The following PCDHGA5 variants were observed in gnomAD, a reference collection of about 807,000 sequenced individuals.
PCDHGA5 encodes protocadherin gamma subfamily A, 5, also known as protocadherin gamma-A5.
PCDHGA5 carries 36 observed loss-of-function variants against 56.7 expected under a neutral mutation model. The observed-to-expected ratio is 0.64, with a 90% CI of 0.49 to 0.84. PCDHGA5 has a LOEUF of 0.84. Among genes scored for constraint, PCDHGA5 ranks in the 40% least tolerant of loss-of-function variants. PCDHGA5 has a pLI of 0.00. For missense variants in PCDHGA5, 1,305 were observed against 1,201.5 expected, an observed-to-expected ratio of 1.09 and a Z score of -1.27; for synonymous variants, 563 against 520.2, an observed-to-expected ratio of 1.08 and a Z score of -1.12.
Position 141,489,902 on chromosome 5 carries a change from C to T in PCDHGA5, c.2422-4905C>T. The T allele has an allele frequency of 6.2e-7, 1 of 1,614,218 alleles. No individual in the cohort carries two copies. The highest frequency in any genetic ancestry group is 8.5e-7 in the Non-Finnish European group (1 of 1,180,032). On this transcript the variant is annotated intron_variant, in intron 1 of 3. Transcript: ENST00000518069. This position sits in a 1 kb window ranked among gnomAD's most constrained non-coding sequence, Gnocchi z 4.5. Reference sequence around the variant, plus strand: ...ACTGCTGTGGATGGGGGGACCCCAGCCCGCTCAGGGACCACCCTTATCTCT... The same window carrying T: ...ACTGCTGTGGATGGGGGGACCCCAGTCCGCTCAGGGACCACCCTTATCTCT...
At chr5:141,391,305 T>G (rs2092341171) in intron 1 of PCDHGA5, 1 of 151,546 alleles carries the variant, frequency 6.6e-6, no homozygotes, top group Non-Finnish European at 1.5e-5. Context: ...GTCTTTCGAT[T>G]CTTTTTTTTT....
intron 1 of PCDHGA5, chr5:141,475,974 A>G: frequency 1.0e-6 from 1 of 975,714 alleles, no homozygotes; most frequent in Non-Finnish European, 1.5e-6. Flanking sequence ...GCAGAGACTG[A>G]ACAGCCGGCG....
intron 1 of PCDHGA5, among the ~76,000 whole-genome samples, chr5:141,449,616 G>A (rs1279953840): frequency 1.6e-4 from 24 of 146,738 alleles, no homozygotes; most frequent in Non-Finnish European, 2.3e-4. Flanking sequence ...AAGTAAAAAA[G>A]TTTTTTAAAA....
rs61612330 is a variant in PCDHGA5, at chr5:141,454,796, A to ATTTTTTTTTTTT, written c.2422-39993_2422-39982dup. Among the ~76,000 whole-genome samples, 573 of 77,460 alleles carry ATTTTTTTTTTTT rather than the reference A, an allele frequency of 7.4e-3. 68 individuals carry two copies. Among genetic ancestry groups the ATTTTTTTTTTTT allele is most frequent in the Non-Finnish European group, 9.0e-3 (384 of 42,814 alleles). The allele number at this position is 77,460 out of a possible 152,430, so 50.8% of individuals were successfully genotyped here. A position where few individuals can be genotyped will look rare whatever the true frequency, so the allele number is the denominator to read the frequency against. On this transcript the variant is annotated intron_variant, in intron 1 of 3. Coordinates refer to ENST00000518069, the MANE Select transcript of PCDHGA5 (RefSeq NM_018918.3). ...AAGGAAATAATCCTCCATGGTTCTA[A>ATTTTTTTTTTTT]TTTTTTTTTTTTTTTTTTTTTTTTT...
rs762662380 is a variant in PCDHGA5, at chr5:141,419,561, G to A, written c.2421+52810G>A. 9 of 1,611,728 alleles carry A rather than the reference G, an allele frequency of 5.6e-6. No individual in the cohort carries two copies. The Admixed American group carries it at 1.2e-4, about 21-fold the overall frequency. The stretch of plus-strand genomic sequence containing the variant: ...ACCGCGGGTGCTGTACCCTGCGCTG[G>A]GTCCCGACGGCTCCGCGCTCTTCGA... On this transcript the variant is annotated intron_variant, in intron 1 of 3. Coordinates refer to ENST00000518069, the MANE Select transcript of PCDHGA5 (RefSeq NM_018918.3).
At chr5:141,394,278 TACTC>T in intron 1 of PCDHGA5, 1 of 1,613,924 alleles carries the variant, frequency 6.2e-7, no homozygotes, top group East Asian at 2.2e-5. Flanking sequence ...CCAGGTCACT[TACTC>T]TGTGACCGAG....
chr5:141,413,756 A>G, intron 1 of PCDHGA5: 1 of 1,613,042 alleles, frequency 6.2e-7, no homozygotes, highest in South Asian at 1.1e-5. Context: ...AATGGCGTCA[A>G]GTACCCGGAG....
chr5:141,477,438 C>A lies in PCDHGA5; in HGVS notation c.2422-17369C>A, dbSNP rs1386997844. The A allele has an allele frequency of 3.1e-6, 5 of 1,614,174 alleles. No individual in the cohort carries two copies. The Admixed American group carries it at 6.7e-5, about 22-fold the overall frequency. On this transcript the variant is annotated intron_variant, in intron 1 of 3. Coordinates refer to ENST00000518069, the MANE Select transcript of PCDHGA5 (RefSeq NM_018918.3). The surrounding 1 kb of genome is among the most constrained non-coding windows in gnomAD (Gnocchi z 4.9). ...GGAACCCCTTCCCTCTCAGCCCTTA[C>A]AATAGTGCGTGTTCAAGTGTCCGAC...
At chr5:141,450,702 G>A (rs1466981422) in intron 1 of PCDHGA5, among the ~76,000 whole-genome samples, 1 of 152,026 alleles carries the variant, frequency 6.6e-6, no homozygotes, top group Non-Finnish European at 1.5e-5. Flanking sequence ...GCCCAGGATG[G>A]TCTCCAACTC....
Position 141,490,282 on chromosome 5 carries a change from C to T in PCDHGA5, c.2422-4525C>T, listed in dbSNP as rs763429413. 1.2e-6 allele frequency: 2 copies of T among 1,614,194 alleles called. No individual in the cohort carries two copies. The highest frequency in any genetic ancestry group is 1.7e-6 in the Non-Finnish European group (2 of 1,180,036). ...TGTGGGGGATGTCAATGACAATGCC[C>T]CAGAGGTGCTATTGGCCTCTTTGGC... On this transcript the variant is annotated intron_variant, in intron 1 of 3. Transcript: ENST00000518069. This position sits in a 1 kb window ranked among gnomAD's most constrained non-coding sequence, Gnocchi z 5.4.
chr5:141,383,204 G>A lies in PCDHGA5; in HGVS notation c.2421+16453G>A, dbSNP rs372087170. 3 of 1,613,922 alleles carry A rather than the reference G, an allele frequency of 1.9e-6. No individual in the cohort carries two copies. In the African/African-American group the frequency reaches 4.0e-5, roughly 22 times the overall value. On this transcript the variant is annotated intron_variant, in intron 1 of 3. Coordinates refer to ENST00000518069, the MANE Select transcript of PCDHGA5 (RefSeq NM_018918.3). ...GAGATCTGCGCTCAGAGTGCGCGGTGTCTGGTAAACTTTAACATCCTGATG... is the reference window on the plus strand; with the variant it reads ...GAGATCTGCGCTCAGAGTGCGCGGTATCTGGTAAACTTTAACATCCTGATG...
At chr5:141,370,668 C>A in intron 1 of PCDHGA5, 5 of 1,613,762 alleles carry the variant, frequency 3.1e-6, no homozygotes, top group Middle Eastern at 3.3e-4. Flanking sequence ...CCGTATAGAC[C>A]GAGAGGAGAT....
In PCDHGA5 at chr5:141,398,664, A is replaced by G. The variant is rs762356100; in HGVS notation, c.2421+31913A>G. The G allele has an allele frequency of 4.3e-6, 7 of 1,612,604 alleles. No individual in the cohort carries two copies. In the East Asian group the frequency reaches 8.9e-5, roughly 21 times the overall value. ...AACTCTCTCTTAACCCAAGTTTCTC[A>G]TTAATAATTAAGGAGAAACAGGATG... On this transcript the variant is annotated intron_variant, in intron 1 of 3. Transcript: ENST00000518069.
intron 1 of PCDHGA5, chr5:141,400,321 G>T (rs190006023): frequency 1.9e-6 from 3 of 1,614,064 alleles, no homozygotes; most frequent in East Asian, 2.2e-5. Context: ...TGTCAAGTCT[G>T]GACCTGTGGT....
chr5:141,461,830 CT>C (rs1030113508), intron 1 of PCDHGA5, among the ~76,000 whole-genome samples: 30 of 145,198 alleles, frequency 2.1e-4, no homozygotes, highest in Non-Finnish European at 2.4e-4. Flanking sequence ...ATTTTTTTTT[CT>C]TTTTTTTTTG....
At chr5:141,438,633 TATACAC>T (rs1275936248) in intron 1 of PCDHGA5, among the ~76,000 whole-genome samples, 1,035 of 33,718 alleles carry the variant, frequency 0.031, 6 homozygotes, top group African/African-American at 0.063. Context: ...TATATATATA[TATACAC>T]ACACACACAC....
chr5:141,398,145 G>A, intron 1 of PCDHGA5: 2 of 1,520,796 alleles, frequency 1.3e-6, no homozygotes, highest in Admixed American at 4.8e-5. Context: ...GCGGCGCCGG[G>A]GAGCTGGGCC....
At chr5:141,417,740 C>A (rs2096156298) in intron 1 of PCDHGA5, 3 of 1,413,210 alleles carry the variant, frequency 2.1e-6, no homozygotes, top group East Asian at 2.5e-5. Flanking sequence ...CCCAGCACAC[C>A]AGATTGCCAG....
chr5:141,376,485 A>G (rs1772740075), intron 1 of PCDHGA5: 1 of 1,614,056 alleles, frequency 6.2e-7, no homozygotes, highest in Non-Finnish European at 8.5e-7. Context: ...CTTGAAACGA[A>G]AGGAGAACCC....
Sources: allele counts gnomAD v4.1 joint callset (sites outside exome capture counted in the v4.1 genomes callset), GRCh38; gene constraint gnomAD v4.1.1; non-coding constraint Gnocchi (gnomAD v3.1); transcripts MANE v1.5; gene names NCBI Gene and HGNC (gene_info 2026-07-23, HGNC 2026-07-21).